PCNX4: variants seen among roughly 807,000 people sequenced by gnomAD.
PCNX4 encodes pecanex 4.
In PCNX4, 103 loss-of-function variants were observed where a neutral mutation model predicts 107.2. The observed-to-expected ratio is 0.96, with a 90% CI of 0.82 to 1.13. PCNX4 has a LOEUF of 1.13. Among genes scored for constraint, PCNX4 ranks in the 50% most tolerant of loss-of-function variants. PCNX4 has a pLI of 0.00. For synonymous variants in PCNX4, 541 were observed against 481.7 expected, an observed-to-expected ratio of 1.12 and a Z score of -1.61; for missense variants, 1,528 against 1,379.4, an observed-to-expected ratio of 1.11 and a Z score of -1.71.
At position 60,134,576 on chromosome 14, in the gene PCNX4, T is replaced by A. The variant is rs1451484434; in HGVS notation, c.*355T>A. 2 of 206,392 alleles carry A rather than the reference T, an allele frequency of 9.7e-6. No homozygotes were observed. The highest frequency in any genetic ancestry group is 2.0e-5 in the Non-Finnish European group (2 of 102,364). 12.8% of individuals were successfully genotyped at this position (206,392 alleles called of 1,614,324 possible). ...CATACAAAGTTAACAGCTATGTAATTTTTACATACTTAAGAGATAAACATA... is the reference window on the plus strand; with the variant it reads ...CATACAAAGTTAACAGCTATGTAATATTTACATACTTAAGAGATAAACATA... On this transcript the variant is annotated 3_prime_UTR_variant, in exon 11 of 11. Coordinates refer to ENST00000406854, the MANE Select transcript of PCNX4 (RefSeq NM_001330177.2).
intron 1 of PCNX4, among the ~76,000 whole-genome samples, chr14:60,103,865 T>C (rs1279223671): frequency 1.3e-5 from 2 of 152,208 alleles, no homozygotes; most frequent in Admixed American, 6.5e-5. Flanking sequence ...CTTTGTGATA[T>C]ATTGATCTAG....
intron 10 of PCNX4, among the ~76,000 whole-genome samples, chr14:60,130,118 A>G (rs1369142199): frequency 1.3e-5 from 2 of 151,956 alleles, no homozygotes; most frequent in African/African-American, 4.8e-5. Context: ...CAGGTGAATC[A>G]CTTGAGTCCA....
At chr14:60,114,570 T>G in intron 2 of PCNX4, 130 bp from the exon 3 acceptor site, 1 of 711,894 alleles carries the variant, frequency 1.4e-6, no homozygotes, top group Non-Finnish European at 2.2e-6. Flanking sequence ...GACTAAGACT[T>G]TTCTGTGGTG....
chr14:60,110,382 C>G (rs1437096834), intron 2 of PCNX4: 1 of 167,256 alleles, frequency 6.0e-6, no homozygotes, highest in Admixed American at 6.5e-5. Context: ...GGGAGCAGAA[C>G]TGAACTTCAG....
At chr14:60,098,963 A>C (rs1331431955) in intron 1 of PCNX4, among the ~76,000 whole-genome samples, 1 of 151,914 alleles carries the variant, frequency 6.6e-6, no homozygotes, top group Non-Finnish European at 1.5e-5. Context: ...AAAAAGAAAG[A>C]AAAGACTCCA....
chr14:60,145,002 A>C lies in PCNX4; in HGVS notation c.*10781A>C, dbSNP rs1186554577. On this transcript the variant is annotated 3_prime_UTR_variant, in exon 11 of 11. Transcript: ENST00000406854. The surrounding 1 kb of genome is among the most constrained non-coding windows in gnomAD (Gnocchi z 4.0). ...TTGTCTTAAAGATTTTAAAATAAGA[A>C]GAGTCTGCATCCTGTAAAAGAGGGA... The C allele has an allele frequency of 3.1e-6, 5 of 1,600,794 alleles. No homozygotes were observed. The Admixed American group carries it at 5.2e-5, about 17-fold the overall frequency.
At chr14:60,109,195 G>A (rs1178010699) in intron 2 of PCNX4, 1 of 167,088 alleles carries the variant, frequency 6.0e-6, no homozygotes, top group African/African-American at 2.4e-5. Flanking sequence ...AAAGAAGAGA[G>A]CTCTCATCAA....
chr14:60,146,805 TAAGC>T lies in PCNX4; in HGVS notation c.*12588_*12591del, dbSNP rs1307191726. ...GAATGGACGTTAATGCTAAGTGATA[TAAGC>T]AAGATACAGAAAAACAAGTACTATG... On this transcript the variant is annotated 3_prime_UTR_variant, in exon 11 of 11. Coordinates refer to ENST00000406854, the MANE Select transcript of PCNX4 (RefSeq NM_001330177.2). The surrounding 1 kb of genome is among the most constrained non-coding windows in gnomAD (Gnocchi z 4.9). 2.0e-5 allele frequency: 3 copies of T among 152,176 alleles called. No individual in the cohort carries two copies. In the South Asian group the frequency reaches 6.2e-4, roughly 31 times the overall value. The allele number at this position is 152,176 out of a possible 1,614,324, so 9.4% of individuals were successfully genotyped here. A position where few individuals can be genotyped will look rare whatever the true frequency, so the allele number is the denominator to read the frequency against.
rs1237794551 is a variant in PCNX4, at chr14:60,141,972, C to T, written c.*7751C>T. The T allele has an allele frequency of 1.3e-5, 2 of 152,124 alleles. No homozygotes were observed. The highest frequency in any genetic ancestry group is 4.8e-5 in the African/African-American group (2 of 41,418). 9.4% of individuals were successfully genotyped at this position (152,124 alleles called of 1,614,324 possible). On this transcript the variant is annotated 3_prime_UTR_variant, in exon 11 of 11. Coordinates refer to ENST00000406854, the MANE Select transcript of PCNX4 (RefSeq NM_001330177.2). Reference sequence around the variant, plus strand: ...AAAAGTCTTTTTCAAGTTAATTGTACCTTTTGACATTCCCGCCAGCAGTTT... The same window carrying T: ...AAAAGTCTTTTTCAAGTTAATTGTATCTTTTGACATTCCCGCCAGCAGTTT...
Position 60,118,534 on chromosome 14 carries a change from C to A in PCNX4, c.1784C>A (p.Thr595Asn). The A allele has an allele frequency of 3.1e-6, 5 of 1,613,814 alleles. No homozygotes were observed. The highest frequency in any genetic ancestry group is 4.2e-6 in the Non-Finnish European group (5 of 1,179,862). ...LLSSPLLPLF[T>N]LPVFLVGFPR... Reference sequence around the variant, plus strand: ...TCTTCTCCCTTACTCCCTCTTTTCACCCTTCCTGTGTTCTTGGTGGGGTTT... The same window carrying A: ...TCTTCTCCCTTACTCCCTCTTTTCAACCTTCCTGTGTTCTTGGTGGGGTTT... Residue 595 changes from threonine (T) to asparagine (N), a missense_variant, in exon 7 of 11, where the codon ACC becomes AAC. Thr to Asn is a moderately conservative substitution (Grantham distance 65, BLOSUM62 0). Coordinates refer to ENST00000406854, the MANE Select transcript of PCNX4 (RefSeq NM_001330177.2).
In PCNX4 at chr14:60,145,783, G is replaced by A. The variant is rs868748498; in HGVS notation, c.*11562G>A. Reference sequence around the variant, plus strand: ...CAAGATGTGATGTTTCTTTTCAGAAGATATGCATTTACCACTTTCAAAACT... The same window carrying A: ...CAAGATGTGATGTTTCTTTTCAGAAAATATGCATTTACCACTTTCAAAACT... On this transcript the variant is annotated 3_prime_UTR_variant, in exon 11 of 11. Transcript: ENST00000406854. This position sits in a 1 kb window ranked among gnomAD's most constrained non-coding sequence, Gnocchi z 4.0. 1 of 152,024 alleles carries A rather than the reference G, an allele frequency of 6.6e-6. No homozygotes were observed. The highest frequency in any genetic ancestry group is 1.5e-5 in the Non-Finnish European group (1 of 68,012). 9.4% of individuals were successfully genotyped at this position (152,024 alleles called of 1,614,324 possible). A position where few individuals can be genotyped will look rare whatever the true frequency, so the allele number is the denominator to read the frequency against.
intron 10 of PCNX4, among the ~76,000 whole-genome samples, chr14:60,129,400 A>T (rs1250451550): frequency 6.6e-6 from 1 of 152,094 alleles, no homozygotes; most frequent in African/African-American, 2.4e-5. Context: ...CAAAAAATAA[A>T]AATTAGCCAA....
At chr14:60,125,960 A>G (rs1896048453) in intron 10 of PCNX4, 137 bp downstream of exon 10, 1 of 651,642 alleles carries the variant, frequency 1.5e-6, no homozygotes. Context: ...GGCATTTGTA[A>G]TCATGACTTT....
In PCNX4 at chr14:60,092,229, C is replaced by T. The variant is rs1467666561; in HGVS notation, c.-244C>T. 1 of 152,272 alleles carries T rather than the reference C, an allele frequency of 6.6e-6. No homozygotes were observed. The highest frequency in any genetic ancestry group is 1.5e-5 in the Non-Finnish European group (1 of 68,054). The allele number at this position is 152,272 out of a possible 1,614,324, so 9.4% of individuals were successfully genotyped here. A position where few individuals can be genotyped will look rare whatever the true frequency, so the allele number is the denominator to read the frequency against. ...TCCGGGTGGCGGCCGCCGGAGTAGA[C>T]GTTAGCCATGGAAACCGAGAGCTGG... is the stretch of plus-strand genomic sequence containing the variant. On this transcript the variant is annotated 5_prime_UTR_variant, in exon 1 of 11. In the 5' UTR this introduces an upstream ATG that the reference lacks. Transcript: ENST00000406854.
chr14:60,117,578 A>G (rs566764407), intron 6 of PCNX4, among the ~76,000 whole-genome samples: 2 of 152,322 alleles, frequency 1.3e-5, no homozygotes, highest in Non-Finnish European at 2.9e-5. Flanking sequence ...CTGGTTGTAT[A>G]TAGGAACTCC....
chr14:60,116,187 C>CA, intron 6 of PCNX4, 127 bp downstream of exon 6: 1 of 906,754 alleles, frequency 1.1e-6, no homozygotes. Context: ...TTCAACATCC[C>CA]AAAAAGAAAC....
Position 60,124,984 on chromosome 14 carries a change from A to G in PCNX4, c.2813A>G (p.Tyr938Cys). The change falls in exon 9 of 11, where the codon TAC (tyrosine) becomes TGC (cysteine). Residue 938 changes from tyrosine to cysteine, a missense_variant. Physicochemically the swap from Tyr to Cys is radical, Grantham distance 194. Transcript: ENST00000406854. ...EMSSLFPEDW[Y>C]QFVLRQLECY... Reference sequence around the variant, plus strand: ...AGCTCGTTATTTCCAGAAGACTGGTACCAATTTGTTCTAAGGCAGTTGGAA... The same window carrying G: ...AGCTCGTTATTTCCAGAAGACTGGTGCCAATTTGTTCTAAGGCAGTTGGAA... 1 of 1,613,864 alleles carries G rather than the reference A, an allele frequency of 6.2e-7. No individual in the cohort carries two copies. Among genetic ancestry groups the G allele is most frequent in the Non-Finnish European group, 8.5e-7 (1 of 1,179,770 alleles).
intron 1 of PCNX4, among the ~76,000 whole-genome samples, chr14:60,094,323 C>A (rs1895377551): frequency 6.6e-6 from 1 of 151,928 alleles, no homozygotes; most frequent in South Asian, 2.1e-4. Context: ...CCTATTCCCC[C>A]AAGTTATCCT....
At chr14:60,112,839 T>TTTTAA (rs1291904571) in intron 2 of PCNX4, among the ~76,000 whole-genome samples, 2 of 152,256 alleles carry the variant, frequency 1.3e-5, no homozygotes, top group Non-Finnish European at 2.9e-5. Flanking sequence ...CAAAGTATTG[T>TTTTAA]CCTCTAATTT....
Sources: gnomAD v4.1 joint callset for allele counts (sites outside exome capture counted in the v4.1 genomes callset) on GRCh38, gnomAD v4.1.1 for gene constraint, Gnocchi (gnomAD v3.1) non-coding constraint, MANE v1.5 for transcripts, NCBI Gene and HGNC (gene_info 2026-07-23, HGNC 2026-07-21) for gene names.